Variants in MAST2 observed in about 807,000 individuals in gnomAD.
MAST2 encodes the protein microtubule associated serine/threonine kinase 2, also known as microtubule-associated serine/threonine-protein kinase 2.
Under a neutral mutation model 147.4 loss-of-function variants are expected in MAST2, and 70 were observed. The ratio of observed to expected loss-of-function variants is 0.47; its 90% CI spans 0.39 to 0.58. The LOEUF (loss-of-function observed/expected upper bound fraction) is 0.58. MAST2 is among the 20% of genes least tolerant of loss of function. The pLI is 0.00. For synonymous variants in MAST2, 869 were observed against 896.8 expected (o/e 0.97, Z 0.55); for missense variants, 2,080 against 2,302.3 (o/e 0.90, Z 1.98).
rs1349880322 is a variant in MAST2 at position 46,035,996 on chromosome 1, A to G, written c.5327A>G (p.Gln1776Arg). The G allele has an allele frequency of 3.1e-6, 5 of 1,613,708 alleles. No homozygotes were observed. The highest frequency in any genetic ancestry group is 2.2e-5 in the East Asian group (1 of 44,892). Residue 1776 changes from glutamine to arginine, a missense_variant, in exon 29 of 29, where the codon CAA becomes CGA. Gln to Arg is a conservative substitution (Grantham distance 43). Around this residue, in one of 4 missense-constraint regions of MAST2, gnomAD observed 1,278 missense variants for 1,304.2 expected, o/e 0.98. Transcript: ENST00000361297. The surrounding 1 kb of genome is among the most constrained non-coding windows in gnomAD (Gnocchi z 5.5). ...QKSEPSLRRG[Q>R]EPGGHQKHRD... is the part of the protein sequence containing the mutation. ...TCTGAGCCCAGCCTCAGGAGGGGCC[A>G]AGAACCAGGGGGCCATCAAAAGCAT... is the stretch of plus-strand genomic sequence containing the variant.
chr1:45,951,958 T>C lies in MAST2; in HGVS notation c.501-7428T>C, dbSNP rs193271297. ...GAAGCATGGTGAGTCCCCACTATAA[T>C]AAATAAAAATAAATCCCCATCTAGA... On this transcript the variant is annotated intron_variant, in intron 4 of 28. Transcript: ENST00000361297. Among the ~76,000 whole-genome samples, 78 of 152,154 alleles carry C rather than the reference T, an allele frequency of 5.1e-4. 2 individuals carry two copies. The highest frequency in any genetic ancestry group is 1.9e-3 in the African/African-American group (77 of 41,530).
intron 3 of MAST2, among the ~76,000 whole-genome samples, chr1:45,840,371 T>C (rs1427583761): frequency 6.6e-6 from 1 of 152,204 alleles, no homozygotes; most frequent in Non-Finnish European, 1.5e-5. Flanking sequence ...TCATTTCTAC[T>C]CAAGAAAATA....
chr1:46,015,853 C>T (rs573579111), intron 10 of MAST2, among the ~76,000 whole-genome samples: 3 of 152,134 alleles, frequency 2.0e-5, no homozygotes, highest in African/African-American at 7.2e-5. Context: ...GATACCAAAG[C>T]CGGGCAGAGA....
At chr1:45,990,805 A>T (rs967768466) in intron 5 of MAST2, among the ~76,000 whole-genome samples, 1 of 152,098 alleles carries the variant, frequency 6.6e-6, no homozygotes, top group African/African-American at 2.4e-5. Context: ...TTTTTTACAG[A>T]TATTTCCTCC....
intron 5 of MAST2, among the ~76,000 whole-genome samples, chr1:45,975,245 A>ATG (rs1644088827): frequency 1.3e-5 from 2 of 152,194 alleles, no homozygotes; most frequent in African/African-American, 4.8e-5. Context: ...AAAGATTTGT[A>ATG]ACCCAAGCTA....
At chr1:45,810,209 A>T (rs1444563340) in intron 1 of MAST2, among the ~76,000 whole-genome samples, 1 of 152,244 alleles carries the variant, frequency 6.6e-6, no homozygotes, top group African/African-American at 2.4e-5. Context: ...ATAGGAGTAG[A>T]CAAAGGAAAT....
At chr1:46,032,443 A>G in intron 25 of MAST2, 39 bp downstream of exon 25, 1 of 1,608,640 alleles carries the variant, frequency 6.2e-7, no homozygotes. Context: ...TCCCTGCTTC[A>G]TCATCCTTCC....
At chr1:45,879,311 G>C (rs1409325934) in intron 3 of MAST2, among the ~76,000 whole-genome samples, 1 of 152,090 alleles carries the variant, frequency 6.6e-6, no homozygotes, top group Non-Finnish European at 1.5e-5. Flanking sequence ...GGTGGCTCAC[G>C]CCTGTAATCC....
intron 4 of MAST2, among the ~76,000 whole-genome samples, chr1:45,890,130 TC>T (rs1191821583): frequency 6.6e-6 from 1 of 152,186 alleles, no homozygotes; most frequent in Non-Finnish European, 1.5e-5. Flanking sequence ...TGAAAGGCGT[TC>T]CTGACCTCAC....
At chr1:45,884,684 C>T (rs995448372) in intron 4 of MAST2, among the ~76,000 whole-genome samples, 3 of 152,176 alleles carry the variant, frequency 2.0e-5, no homozygotes, top group African/African-American at 7.2e-5. Context: ...GCCAGAAGTT[C>T]TTCAGTTCTT....
chr1:45,991,556 G>C (rs1373152657), intron 5 of MAST2, among the ~76,000 whole-genome samples: 1 of 152,088 alleles, frequency 6.6e-6, no homozygotes, highest in African/African-American at 2.4e-5. Context: ...TCTTTCATCA[G>C]AGTTTCGTAA....
intron 4 of MAST2, among the ~76,000 whole-genome samples, chr1:45,903,396 CTGGGA>C (rs1001003696): frequency 6.6e-6 from 1 of 152,154 alleles, no homozygotes; most frequent in African/African-American, 2.4e-5. Flanking sequence ...TCCCAAAGTG[CTGGGA>C]TTACAGGCAT....
chr1:46,023,456 T>A lies in MAST2; in HGVS notation c.1571+138T>A. 1.3e-6 allele frequency: 1 copy of A among 756,904 alleles called. No homozygotes were observed. The highest frequency in any genetic ancestry group is 2.2e-6 in the Non-Finnish European group (1 of 445,006). 46.9% of individuals were successfully genotyped at this position (756,904 alleles called of 1,614,324 possible). On this transcript the variant is annotated intron_variant, in intron 14 of 28. Transcript: ENST00000361297. The surrounding 1 kb of genome is among the most constrained non-coding windows in gnomAD (Gnocchi z 4.9). Reference sequence around the variant, plus strand: ...TTCTCACTCCCAGAAGCCTCCTGGGTGGGCAGGAGTTCAGATTCCTCTGAC... The same window carrying A: ...TTCTCACTCCCAGAAGCCTCCTGGGAGGGCAGGAGTTCAGATTCCTCTGAC...
chr1:45,806,163 G>T (rs1644135760), intron 1 of MAST2, among the ~76,000 whole-genome samples: 1 of 152,176 alleles, frequency 6.6e-6, no homozygotes, highest in Non-Finnish European at 1.5e-5. Context: ...AATGCTCCCT[G>T]TGCTTTCTCC....
intron 5 of MAST2, among the ~76,000 whole-genome samples, chr1:45,962,085 A>G (rs1660505460): frequency 1.3e-5 from 2 of 151,872 alleles, no homozygotes; most frequent in East Asian, 3.9e-4. Context: ...CCATGTCCCT[A>G]CAAAGGACAT....
At chr1:45,931,385 T>G (rs1008114362) in intron 4 of MAST2, among the ~76,000 whole-genome samples, 2 of 147,572 alleles carry the variant, frequency 1.4e-5, no homozygotes, top group Non-Finnish European at 1.5e-5. Flanking sequence ...CTGTTTTTTT[T>G]TTTTTTTTTT....
chr1:45,986,073 T>C (rs1553253110), intron 5 of MAST2, among the ~76,000 whole-genome samples: 1 of 152,206 alleles, frequency 6.6e-6, no homozygotes, highest in Non-Finnish European at 1.5e-5. Flanking sequence ...CAGTATAATT[T>C]TGAATAGAAA....
intron 22 of MAST2, 67 bp from the exon 23 acceptor site, chr1:46,030,940 C>T: frequency 9.0e-6 from 14 of 1,563,950 alleles, no homozygotes; most frequent in Non-Finnish European, 1.1e-5. Context: ...CTTGTGTGCC[C>T]CTAAGGAGAC....
intron 4 of MAST2, among the ~76,000 whole-genome samples, chr1:45,907,406 T>G (rs1650939616): frequency 6.6e-6 from 1 of 152,186 alleles, no homozygotes; most frequent in Non-Finnish European, 1.5e-5. Flanking sequence ...TTGAATTAAT[T>G]TCTTTAAAGT....
Sources: gnomAD v4.1 joint callset for allele counts (sites outside exome capture counted in the v4.1 genomes callset) on GRCh38, gnomAD v4.1.1 for gene constraint, gnomAD v4.1.1 regional missense constraint, Gnocchi (gnomAD v3.1) non-coding constraint, MANE v1.5 for transcripts, NCBI Gene and HGNC (gene_info 2026-07-23, HGNC 2026-07-21) for gene names.